The following NUP35 variants were observed in gnomAD, a reference collection of about 807,000 sequenced individuals.
NUP35 encodes the protein nucleoporin NUP35.
In NUP35, 25 loss-of-function variants were observed where a neutral mutation model predicts 41.5. That is an observed-to-expected ratio of 0.60 (90% CI 0.44 to 0.84). The LOEUF is 0.84. NUP35 is among the 40% of genes least tolerant of loss of function. The pLI is 0.00. For missense variants in NUP35, 396 were observed against 396.6 expected (o/e 1.00, Z 0.01); for synonymous variants, 149 against 130.7 (o/e 1.14, Z -0.96).
chr2:183,119,340 G>T (rs1338209702), intron 1 of NUP35, among the ~76,000 whole-genome samples: 1 of 152,140 alleles, frequency 6.6e-6, no homozygotes, highest in African/African-American at 2.4e-5. Flanking sequence ...AATAGGAAAA[G>T]TTATGGTCCC....
chr2:183,130,497 C>T lies in NUP35; in HGVS notation c.291C>T (p.Asp97=). The change falls in exon 3 of 9, where the codon GAC becomes GAT. Residue 97 remains aspartate (D), a synonymous_variant. Coordinates refer to ENST00000295119, the MANE Select transcript of NUP35 (RefSeq NM_138285.5). ...GAPPVRSIYD[D]ISSPGLGSTP... ...CACCAGTTAGAAGTATATATGATGA[C>T]ATTTCTAGCCCAGGACTTGGATCAA... The T allele has an allele frequency of 1.9e-6, 3 of 1,605,546 alleles. No individual in the cohort carries two copies. Among genetic ancestry groups the T allele is most frequent in the Non-Finnish European group, 2.5e-6 (3 of 1,177,234 alleles).
At chr2:183,118,244 A>G (rs1207952659) in intron 1 of NUP35, 2 of 152,232 alleles carry the variant, frequency 1.3e-5, no homozygotes, top group Non-Finnish European at 2.9e-5. Context: ...TCAGAATAGA[A>G]GGTAGAGAAA....
At chr2:183,135,872 GTAAA>G (rs1339975001) in intron 4 of NUP35, among the ~76,000 whole-genome samples, 1 of 150,768 alleles carries the variant, frequency 6.6e-6, no homozygotes, top group Non-Finnish European at 1.5e-5. Context: ...CAAGAAAAAA[GTAAA>G]TAAAAATTTA....
chr2:183,119,253 G>A (rs1474483259), intron 1 of NUP35, among the ~76,000 whole-genome samples: 2 of 152,210 alleles, frequency 1.3e-5, no homozygotes, highest in South Asian at 2.1e-4. Flanking sequence ...CTCTTGCTCT[G>A]TTTATGCCTG....
intron 4 of NUP35, among the ~76,000 whole-genome samples, chr2:183,142,146 A>C (rs928898815): frequency 2.0e-5 from 3 of 151,710 alleles, no homozygotes; most frequent in Non-Finnish European, 4.4e-5. Context: ...AGAATTTATG[A>C]TATTTCTATG....
rs769747161 is a variant in NUP35 at position 183,161,125 on chromosome 2, C to T, written c.975C>T (p.Gly325=). The T allele has an allele frequency of 6.2e-7, 1 of 1,611,242 alleles. No individual in the cohort carries two copies. The highest frequency in any genetic ancestry group is 1.1e-5 in the South Asian group (1 of 90,882). Residue 325 remains glycine, a synonymous_variant, in exon 9 of 9, where the codon GGC becomes GGT. Transcript: ENST00000295119. Reference sequence around the variant, plus strand: ...CCAAAGCAATGGAGTACATGTTTGGCTGGTAGTAGAACACCAAGAAGGAGG... The same window carrying T: ...CCAAAGCAATGGAGTACATGTTTGGTTGGTAGTAGAACACCAAGAAGGAGG... ...LVSKAMEYMF[G]W
intron 5 of NUP35, among the ~76,000 whole-genome samples, chr2:183,156,020 CT>C (rs1685653552): frequency 6.6e-6 from 1 of 152,036 alleles, no homozygotes; most frequent in Non-Finnish European, 1.5e-5. Context: ...TATATATGTT[CT>C]TTCTTTGGTA....
intron 4 of NUP35, among the ~76,000 whole-genome samples, chr2:183,149,077 A>G (rs1042095070): frequency 1.3e-5 from 2 of 152,206 alleles, no homozygotes; most frequent in African/African-American, 4.8e-5. Context: ...TCATTTGGGA[A>G]TTAAGGATAA....
upstream of NUP35, among the ~76,000 whole-genome samples, chr2:183,121,206 GA>G (rs889545930): frequency 4.0e-5 from 6 of 148,938 alleles, no homozygotes; most frequent in Middle Eastern, 7.0e-3. Flanking sequence ...TTGGCAATTA[GA>G]AAAAAAAAAT....
intron 4 of NUP35, among the ~76,000 whole-genome samples, chr2:183,136,295 G>C (rs1248088925): frequency 6.6e-6 from 1 of 152,150 alleles, no homozygotes; most frequent in African/African-American, 2.4e-5. Context: ...AACAATACAC[G>C]TATTATCTTC....
upstream of NUP35, among the ~76,000 whole-genome samples, chr2:183,120,970 G>C (rs1255771179): frequency 6.6e-6 from 1 of 152,076 alleles, no homozygotes; most frequent in Non-Finnish European, 1.5e-5. Flanking sequence ...GATTCCAAGG[G>C]AGACCACTAA....
At chr2:183,120,861 G>T (rs1478041313), upstream of NUP35, among the ~76,000 whole-genome samples, 2 of 152,158 alleles carry the variant, frequency 1.3e-5, no homozygotes, top group Admixed American at 1.3e-4. Flanking sequence ...TTGATGTACG[G>T]GTAGGTTGTG....
At chr2:183,120,644 A>G (rs1700054787), upstream of NUP35, among the ~76,000 whole-genome samples, 1 of 152,114 alleles carries the variant, frequency 6.6e-6, no homozygotes, top group African/African-American at 2.4e-5. Flanking sequence ...AAGAATAACC[A>G]TTTTTCAAAG....
At chr2:183,147,494 T>C (rs1053550238) in intron 4 of NUP35, among the ~76,000 whole-genome samples, 7 of 152,204 alleles carry the variant, frequency 4.6e-5, no homozygotes, top group African/African-American at 1.7e-4. Flanking sequence ...CCATTGTTTG[T>C]AGGTGTGTGA....
At chr2:183,124,267 T>C, upstream of NUP35, 1 of 1,374,088 alleles carries the variant, frequency 7.3e-7, no homozygotes, top group Non-Finnish European at 9.5e-7. Context: ...AAAAACCCTT[T>C]CCTCGGAAAT....
chr2:183,133,272 A>G (rs1232950576), intron 3 of NUP35, among the ~76,000 whole-genome samples: 1 of 151,782 alleles, frequency 6.6e-6, no homozygotes, highest in African/African-American at 2.4e-5. Context: ...AATATTGTAC[A>G]TTAGAAACTA....
chr2:183,124,324 A>G, upstream of NUP35: 1 of 1,538,330 alleles, frequency 6.5e-7, no homozygotes, highest in Non-Finnish European at 8.8e-7. Context: ...TCCGGCGCCT[A>G]CAACTTAAGC....
chr2:183,140,279 G>A (rs1188374372), intron 4 of NUP35, among the ~76,000 whole-genome samples: 1 of 151,914 alleles, frequency 6.6e-6, no homozygotes, highest in Non-Finnish European at 1.5e-5. Context: ...ACATTCTTTG[G>A]TTTATGTCCC....
chr2:183,154,387 C>T (rs578200232), intron 5 of NUP35, among the ~76,000 whole-genome samples: 1 of 152,282 alleles, frequency 6.6e-6, no homozygotes, highest in South Asian at 2.1e-4. Context: ...TGTGTTTCCC[C>T]TTTAAAATGG....
Sources: gnomAD v4.1 joint callset for allele counts (sites outside exome capture counted in the v4.1 genomes callset) on GRCh38, gnomAD v4.1.1 for gene constraint, MANE v1.5 for transcripts, NCBI Gene and HGNC (gene_info 2026-07-23, HGNC 2026-07-21) for gene names.